Variants in APBB2 observed in about 807,000 individuals in gnomAD.
The protein encoded by APBB2 is Fe65-like 1.
A neutral mutation model predicts 82.5 loss-of-function variants in APBB2; 38 were observed. The observed-to-expected ratio is 0.46, with a 90% confidence interval of 0.36 to 0.60. The LOEUF (loss-of-function observed/expected upper bound fraction) is 0.60, where lower values mean the gene tolerates loss of function less well. Among genes scored for constraint, APBB2 ranks in the 20% least tolerant of loss-of-function variants. The pLI, the probability that APBB2 is intolerant of heterozygous loss-of-function variation, is 0.00. For synonymous variants in APBB2, 341 were observed against 368.2 expected (o/e 0.93, Z 0.85); for missense variants, 772 against 972.3 (o/e 0.79, Z 2.74).
intron 1 of APBB2, among the ~76,000 whole-genome samples, chr4:41,152,617 C>T (rs573030253): frequency 2.2e-4 from 33 of 152,266 alleles, no homozygotes; most frequent in Admixed American, 1.6e-3. Flanking sequence ...CATGAGCCAC[C>T]GCGCCCGGCC....
chr4:40,928,949 A>G (rs1226633914), intron 10 of APBB2, among the ~76,000 whole-genome samples: 1 of 149,254 alleles, frequency 6.7e-6, no homozygotes, highest in East Asian at 1.9e-4. Flanking sequence ...CTAAAATGCA[A>G]TATGGCATCC....
rs1055132608 is a variant in APBB2 at position 40,946,542 on chromosome 4, A to T, written c.836-1469T>A. On this transcript the variant is annotated intron_variant, in intron 6 of 17. Transcript: ENST00000508593. ...ACTGAATATCTGCTGGCTTTTAAAA[A>T]TCTCATTTTTGGCCTTGAGTTGACT... Among the ~76,000 whole-genome samples the T allele has an allele frequency of 3.9e-5, 6 of 152,152 alleles. No homozygotes were observed. In the South Asian group the frequency reaches 1.2e-3, roughly 32 times the overall value.
chr4:40,969,518 C>A (rs1406470110), intron 6 of APBB2, among the ~76,000 whole-genome samples: 2 of 152,128 alleles, frequency 1.3e-5, no homozygotes, highest in African/African-American at 4.8e-5. Context: ...GTGTAAAAAG[C>A]TATTTATCCT....
rs760550961 is a variant in APBB2 at position 40,890,436 on chromosome 4, A to G, written c.1457T>C (p.Met486Thr). 2 of 1,614,130 alleles carry G rather than the reference A, an allele frequency of 1.2e-6. No homozygotes were observed. The highest frequency in any genetic ancestry group is 1.7e-6 in the Non-Finnish European group (2 of 1,180,028). ...CTGCGAGTGCAGCACGCTGCGGTCC[A>G]TGGGGTCCACCAGGCTGAGCATGTC... ...ENDMLSLVDP[M>T]DRSVLHSQPI... Residue 486 changes from methionine (M) to threonine (T), a missense_variant, in exon 12 of 18, where the codon ATG becomes ACG. Met to Thr is a moderately conservative substitution (Grantham distance 81). Transcript: ENST00000508593.
At chr4:40,891,924 G>A (rs907878901) in intron 11 of APBB2, among the ~76,000 whole-genome samples, 2 of 151,694 alleles carry the variant, frequency 1.3e-5, no homozygotes, top group Non-Finnish European at 2.9e-5. Flanking sequence ...GGAGAATTTG[G>A]TGGGAAACAT....
intron 10 of APBB2, among the ~76,000 whole-genome samples, chr4:40,908,769 G>A (rs1477296091): frequency 6.6e-6 from 1 of 152,194 alleles, no homozygotes; most frequent in East Asian, 1.9e-4. Context: ...AGGCTTCTCA[G>A]AAGTACCTCA....
chr4:41,030,284 G>A (rs1716226458), intron 5 of APBB2, among the ~76,000 whole-genome samples: 1 of 152,130 alleles, frequency 6.6e-6, no homozygotes, highest in African/African-American at 2.4e-5. Flanking sequence ...CAGATGTGAT[G>A]GTCAGTTATT....
intron 2 of APBB2, among the ~76,000 whole-genome samples, chr4:41,106,001 G>C (rs560197205): frequency 6.6e-6 from 1 of 152,016 alleles, no homozygotes; most frequent in Non-Finnish European, 1.5e-5. Context: ...TCAAAGACAT[G>C]CTGAGATATA....
At chr4:41,025,592 T>C (rs1713696955) in intron 5 of APBB2, among the ~76,000 whole-genome samples, 1 of 151,836 alleles carries the variant, frequency 6.6e-6, no homozygotes, top group African/African-American at 2.4e-5. Context: ...AGACATGGAA[T>C]CAACCTAAAT....
chr4:41,067,284 C>T (rs1732236890), intron 3 of APBB2, among the ~76,000 whole-genome samples: 1 of 152,086 alleles, frequency 6.6e-6, no homozygotes, highest in African/African-American at 2.4e-5. Context: ...TAGTACATGC[C>T]TGTAATCCCA....
intron 10 of APBB2, among the ~76,000 whole-genome samples, chr4:40,903,821 G>C (rs377497345): frequency 6.6e-6 from 1 of 152,158 alleles, no homozygotes; most frequent in African/African-American, 2.4e-5. Context: ...TGCAATAGCT[G>C]CTCTATGGAG....
At chr4:40,868,147 A>G (rs1764507419) in intron 12 of APBB2, among the ~76,000 whole-genome samples, 2 of 151,900 alleles carry the variant, frequency 1.3e-5, no homozygotes, top group South Asian at 4.1e-4. Context: ...GTGAGCCACC[A>G]CACCCAGCTG....
intron 3 of APBB2, among the ~76,000 whole-genome samples, chr4:41,072,073 C>T (rs1734090514): frequency 6.6e-6 from 1 of 152,088 alleles, no homozygotes; most frequent in Non-Finnish European, 1.5e-5. Context: ...CTGAAGTTCT[C>T]ACAACAAGGA....
intron 12 of APBB2, among the ~76,000 whole-genome samples, chr4:40,842,176 C>T (rs1053355242): frequency 7.2e-5 from 11 of 152,198 alleles, no homozygotes; most frequent in East Asian, 1.9e-4. Context: ...GAATGAGGAA[C>T]GCAGATGCAA....
intron 6 of APBB2, among the ~76,000 whole-genome samples, chr4:40,982,305 G>GGAAAGAAAGAAAGAAA (rs369528238): frequency 6.8e-5 from 1 of 14,804 alleles, no homozygotes; most frequent in African/African-American, 2.1e-4. Flanking sequence ...AAGGAAGGAA[G>GGAAAGAAAGAAAGAAA]GAAAGAAAGA....
chr4:41,040,376 G>A (rs1225383950), intron 4 of APBB2, among the ~76,000 whole-genome samples: 3 of 152,070 alleles, frequency 2.0e-5, no homozygotes, highest in Non-Finnish European at 4.4e-5. Flanking sequence ...CAGATGACTC[G>A]GGTCCTTCCA....
intron 6 of APBB2, among the ~76,000 whole-genome samples, chr4:40,946,985 C>T (rs1239195890): frequency 6.6e-6 from 1 of 152,190 alleles, no homozygotes; most frequent in Non-Finnish European, 1.5e-5. Flanking sequence ...AAAAGTGCCA[C>T]TAGTCTCAAA....
intron 3 of APBB2, among the ~76,000 whole-genome samples, chr4:41,085,449 T>TA (rs1389717775): frequency 6.6e-6 from 1 of 152,192 alleles, no homozygotes; most frequent in East Asian, 1.9e-4. Flanking sequence ...ACTGGTCCTC[T>TA]AAGCTTTCAT....
intron 1 of APBB2, among the ~76,000 whole-genome samples, chr4:41,147,120 C>T (rs937879636): frequency 1.3e-5 from 2 of 152,188 alleles, no homozygotes; most frequent in African/African-American, 2.4e-5. Flanking sequence ...AGCAGGCAAA[C>T]GGAATCAGGG....
Sources: gnomAD v4.1 joint callset for allele counts (sites outside exome capture counted in the v4.1 genomes callset) on GRCh38, gnomAD v4.1.1 for gene constraint, MANE v1.5 for transcripts, NCBI Gene and HGNC (gene_info 2026-07-23, HGNC 2026-07-21) for gene names.